The following DCLK3 variants were observed in gnomAD, a reference collection of about 807,000 sequenced individuals.
The protein encoded by DCLK3 is doublecortin like kinase 3.
DCLK3 carries 30 observed loss-of-function variants against 46.4 expected under a neutral mutation model. That is an observed-to-expected ratio of 0.65 (90% CI 0.48 to 0.88). DCLK3 has a LOEUF of 0.88. Ranked by LOEUF, DCLK3 falls within the 40% of genes least tolerant of loss-of-function variation. DCLK3 has a pLI of 0.00. For missense variants in DCLK3, 846 were observed against 907.1 expected, an observed-to-expected ratio of 0.93 and a Z score of 0.87; for synonymous variants, 401 against 339.2, an observed-to-expected ratio of 1.18 and a Z score of -2.00.
At chr3:36,746,479 C>T (rs1267811235) in intron 1 of DCLK3, among the ~76,000 whole-genome samples, 1 of 152,212 alleles carries the variant, frequency 6.6e-6, no homozygotes, top group Non-Finnish European at 1.5e-5. Context: ...ATCCTCATCC[C>T]TCATCCCTCA....
In DCLK3 at chr3:36,721,644, C is replaced by T. The variant is rs1701062244; in HGVS notation, c.1975G>A (p.Asp659Asn). The change falls in exon 3 of 5, where the codon GAC (aspartate) becomes AAC (asparagine). Residue 659 changes from aspartate to asparagine, a missense_variant. This residue lies in a region of DCLK3 where 247 missense variants were observed against 322.8 expected (regional missense o/e 0.77). Transcript: ENST00000636136. Reference sequence around the variant, plus strand: ...GCCAATTTCAAGGTAGTAGATTTGTCCTCATTTCGCTGAACCTGTAAGAAA... The same window carrying T: ...GCCAATTTCAAGGTAGTAGATTTGTTCTCATTTCGCTGAACCTGTAAGAAA... ...PENLLVQRNE[D>N]KSTTLKLADF... 1 of 1,614,106 alleles carries T rather than the reference C, an allele frequency of 6.2e-7. No homozygotes were observed. Among genetic ancestry groups the T allele is most frequent in the Non-Finnish European group, 8.5e-7 (1 of 1,180,010 alleles).
chr3:36,737,619 G>T lies in DCLK3; in HGVS notation c.1548C>A (p.Ile516=), dbSNP rs1347288443. 6.2e-7 allele frequency: 1 copy of T among 1,614,062 alleles called. No homozygotes were observed. Residue 516 remains isoleucine (I), a synonymous_variant, in exon 2 of 5, where the codon ATC becomes ATA. Transcript: ENST00000636136. This position sits in a 1 kb window ranked among gnomAD's most constrained non-coding sequence, Gnocchi z 4.4. ...PSGRKPRPMG[I]IAANVEKHYE... is the part of the protein sequence containing the mutation. ...AATGCTTTTCCACATTGGCGGCAAT[G>T]ATGCCCATGGGCCGTGGCTTCCGAC... is the stretch of plus-strand genomic sequence containing the variant.
intron 4 of DCLK3, among the ~76,000 whole-genome samples, chr3:36,717,035 G>T (rs1225625326): frequency 6.6e-6 from 1 of 152,242 alleles, no homozygotes; most frequent in African/African-American, 2.4e-5. Flanking sequence ...ATAGAGGCTA[G>T]GGATGGAGGC....
At chr3:36,716,060 G>A (rs1471207600) in intron 4 of DCLK3, among the ~76,000 whole-genome samples, 3 of 152,262 alleles carry the variant, frequency 2.0e-5, no homozygotes, top group East Asian at 1.9e-4. Flanking sequence ...ACTGAAAACC[G>A]TGTAAAGAAA....
rs746567549 is a variant in DCLK3, at chr3:36,737,850, G to T, written c.1317C>A (p.Ser439Arg). 22 of 1,613,940 alleles carry T rather than the reference G, an allele frequency of 1.4e-5. No individual in the cohort carries two copies. Among genetic ancestry groups the T allele is most frequent in the Non-Finnish European group, 1.5e-5 (18 of 1,180,032 alleles). The change falls in exon 2 of 5, where the codon AGC becomes AGA. Residue 439 changes from serine to arginine, a missense_variant. Coordinates refer to ENST00000636136, the MANE Select transcript of DCLK3 (RefSeq NM_001394672.2). This position sits in a 1 kb window ranked among gnomAD's most constrained non-coding sequence, Gnocchi z 4.4. Reference protein sequence around the residue: ...VKKDTRPMSRSKHGGWLLREH... With the variant: ...VKKDTRPMSRRKHGGWLLREH... ...CTCTCAGGAGCCAGCCACCATGTTT[G>T]CTCCTGCTCATGGGCCTGGTGTCCT...
At chr3:36,759,739 A>C (rs1307251949) in intron 1 of DCLK3, among the ~76,000 whole-genome samples, 1 of 152,038 alleles carries the variant, frequency 6.6e-6, no homozygotes, top group Non-Finnish European at 1.5e-5. Context: ...ATACTATTCC[A>C]CACACTCTTC....
chr3:36,754,901 A>G (rs1022325677), intron 1 of DCLK3, among the ~76,000 whole-genome samples: 1 of 151,296 alleles, frequency 6.6e-6, no homozygotes, highest in Non-Finnish European at 1.5e-5. Context: ...ACTTCCAAAT[A>G]TAATTAGAAA....
chr3:36,718,975 A>G (rs1701023733), intron 3 of DCLK3, among the ~76,000 whole-genome samples: 1 of 152,220 alleles, frequency 6.6e-6, no homozygotes, highest in Non-Finnish European at 1.5e-5. Flanking sequence ...CATTTCCAAC[A>G]TAAGAATTTC....
intron 1 of DCLK3, among the ~76,000 whole-genome samples, chr3:36,755,418 T>A (rs369570277): frequency 2.0e-5 from 3 of 152,158 alleles, no homozygotes; most frequent in African/African-American, 7.2e-5. Flanking sequence ...ATTTAACGTA[T>A]AATGAAAGGT....
At position 36,721,529 on chromosome 3, in the gene DCLK3, T is replaced by G; in HGVS notation, c.2090A>C (p.Lys697Thr). 6.2e-7 allele frequency: 1 copy of G among 1,614,080 alleles called. No individual in the cohort carries two copies. Among genetic ancestry groups the G allele is most frequent in the Admixed American group, 1.7e-5 (1 of 60,008 alleles). Reference sequence around the variant, plus strand: ...ACAGATCGATGTGTAACACTTACCTTTCTCAGAAAGAATTTCGGGAGCTAC... The same window carrying G: ...ACAGATCGATGTGTAACACTTACCTGTCTCAGAAAGAATTTCGGGAGCTAC... The part of the protein sequence containing the change: ...TYVAPEILSE[K>T]GYGLEVDMWA... Residue 697 changes from lysine to threonine, a missense_variant and splice_region_variant, in exon 3 of 5, where the codon AAA becomes ACA. Transcript: ENST00000636136.
chr3:36,719,450 A>G lies in DCLK3; in HGVS notation c.2093-1273T>C, dbSNP rs75593564. On this transcript the variant is annotated intron_variant, in intron 3 of 4. Transcript: ENST00000636136. ...TTTGGTCTTTTCTCAGTTCTCAACCATCTCACTGTTGAGAGGGATTGATTT... is the reference window on the plus strand; with the variant it reads ...TTTGGTCTTTTCTCAGTTCTCAACCGTCTCACTGTTGAGAGGGATTGATTT... 2.9e-3 allele frequency among the ~76,000 whole-genome samples: 447 copies of G among 152,344 alleles called. 3 individuals are homozygous for G. In the Middle Eastern group the frequency reaches 0.044, roughly 15 times the overall value.
chr3:36,734,358 T>A (rs1280731878), intron 2 of DCLK3, among the ~76,000 whole-genome samples: 1 of 152,218 alleles, frequency 6.6e-6, no homozygotes, highest in Non-Finnish European at 1.5e-5. Flanking sequence ...AAACATGTTT[T>A]ATAAATGTGC....
intron 1 of DCLK3, among the ~76,000 whole-genome samples, chr3:36,761,416 A>T (rs1367407641): frequency 3.3e-5 from 5 of 151,734 alleles, no homozygotes; most frequent in African/African-American, 1.2e-4. Context: ...ATGGAGCCAA[A>T]CTCCCCTCCC....
At chr3:36,725,130 C>A (rs563185512) in intron 2 of DCLK3, among the ~76,000 whole-genome samples, 1 of 151,774 alleles carries the variant, frequency 6.6e-6, no homozygotes, top group African/African-American at 2.4e-5. Context: ...CTGGCTAACA[C>A]GGTGAAACCC....
At chr3:36,725,089 C>T (rs1015964737) in intron 2 of DCLK3, among the ~76,000 whole-genome samples, 6 of 150,484 alleles carry the variant, frequency 4.0e-5, no homozygotes, top group Non-Finnish European at 7.4e-5. Context: ...CCAAGACGGG[C>T]GGATCATGAG....
intron 2 of DCLK3, among the ~76,000 whole-genome samples, chr3:36,727,765 G>A (rs1002746660): frequency 3.3e-5 from 5 of 152,150 alleles, no homozygotes; most frequent in African/African-American, 9.7e-5. Context: ...GCTGTCAAGA[G>A]TTATTTAATA....
At chr3:36,720,629 C>A (rs6781924) in intron 3 of DCLK3, among the ~76,000 whole-genome samples, 19,610 of 151,940 alleles carry the variant, frequency 0.13, 1,664 homozygotes, top group Non-Finnish European at 0.19. Context: ...CTCAGCCTCC[C>A]GAGTAGCTCA....
At chr3:36,723,116 G>C (rs1701082186) in intron 2 of DCLK3, among the ~76,000 whole-genome samples, 1 of 152,196 alleles carries the variant, frequency 6.6e-6, no homozygotes, top group African/African-American at 2.4e-5. Flanking sequence ...TGAGGAACTT[G>C]TTGGGAACTG....
In DCLK3 at chr3:36,738,125, TCAC is replaced by T. The variant is rs777523915; in HGVS notation, c.1039_1041del (p.Val347del). ...GGAGACCTCCTGCAGCTTCTGGTCC[TCAC>T]CAGCTTCTCCACATCATACATTGGG... is the stretch of plus-strand genomic sequence containing the variant. On this transcript the variant is annotated inframe_deletion, in exon 2 of 5. Coordinates refer to ENST00000636136, the MANE Select transcript of DCLK3 (RefSeq NM_001394672.2). 17 of 1,613,894 alleles carry T rather than the reference TCAC, an allele frequency of 1.1e-5. No individual in the cohort carries two copies. The highest frequency in any genetic ancestry group is 1.4e-5 in the Non-Finnish European group (17 of 1,179,990).
Sources: gnomAD v4.1 joint callset for allele counts (sites outside exome capture counted in the v4.1 genomes callset) on GRCh38, gnomAD v4.1.1 for gene constraint, gnomAD v4.1.1 regional missense constraint, Gnocchi (gnomAD v3.1) non-coding constraint, MANE v1.5 for transcripts, NCBI Gene and HGNC (gene_info 2026-07-23, HGNC 2026-07-21) for gene names.